The following KCNQ5 variants were observed in gnomAD, a reference collection of about 807,000 sequenced individuals.
KCNQ5 encodes potassium voltage-gated channel subfamily Q member 5, also known as potassium voltage-gated channel subfamily KQT member 5.
KCNQ5 carries 30 observed loss-of-function variants against 98.2 expected under a neutral mutation model. That is an observed-to-expected ratio of 0.31 (90% CI 0.23 to 0.41). The LOEUF (loss-of-function observed/expected upper bound fraction) is 0.41, where lower values mean the gene tolerates loss of function less well. Ranked by LOEUF, KCNQ5 falls within the 10% of genes least tolerant of loss-of-function variation. The pLI is 1.00. For missense variants in KCNQ5, 835 were observed against 1,182.5 expected, an observed-to-expected ratio of 0.71 and a Z score of 4.31; for synonymous variants, 458 against 449.4, an observed-to-expected ratio of 1.02 and a Z score of -0.24.
chr6:72,816,401 A>G (rs1165133867), intron 1 of KCNQ5, among the ~76,000 whole-genome samples: 3 of 152,228 alleles, frequency 2.0e-5, no homozygotes, highest in Non-Finnish European at 2.9e-5. Context: ...TTATTTGCTT[A>G]AAAGTCACAA....
chr6:72,883,132 G>A (rs573205043), intron 1 of KCNQ5, among the ~76,000 whole-genome samples: 52 of 152,280 alleles, frequency 3.4e-4, no homozygotes, highest in African/African-American at 1.2e-3. Context: ...CTTAAGAGGT[G>A]TCAAGTAATC....
Position 72,884,625 on chromosome 6 carries a change from T to G in KCNQ5, c.399-119283T>G, listed in dbSNP as rs956043850. 5.9e-5 allele frequency among the ~76,000 whole-genome samples: 9 copies of G among 151,390 alleles called. 1 individual carries two copies. The Middle Eastern group carries it at 0.017, about 286-fold the overall frequency. ...AAAAATTCAAAGAATAAAATACTTT[T>G]TTTTTTTTTGAGACAGAGTCTTGCT... On this transcript the variant is annotated intron_variant, in intron 1 of 13. Coordinates refer to ENST00000370398, the MANE Select transcript of KCNQ5 (RefSeq NM_019842.4).
chr6:72,708,420 A>G (rs1274440031), intron 1 of KCNQ5, among the ~76,000 whole-genome samples: 1 of 152,188 alleles, frequency 6.6e-6, no homozygotes. Flanking sequence ...TAAAAGGGAA[A>G]CTTCTTTTAG....
intron 3 of KCNQ5, among the ~76,000 whole-genome samples, chr6:73,060,964 T>C (rs1772752993): frequency 6.6e-6 from 1 of 152,134 alleles, no homozygotes; most frequent in South Asian, 2.1e-4. Context: ...CAAAATTACT[T>C]AAGCATTTAC....
intron 11 of KCNQ5, among the ~76,000 whole-genome samples, chr6:73,190,250 T>C (rs1765541932): frequency 6.6e-6 from 1 of 152,210 alleles, no homozygotes; most frequent in Admixed American, 6.5e-5. Flanking sequence ...CTTGGACTTC[T>C]GGAGATTGCA....
Position 73,195,230 on chromosome 6 carries a change from C to A in KCNQ5, c.2615C>A (p.Thr872Asn), listed in dbSNP as rs777192486. 7 of 1,614,178 alleles carry A rather than the reference C, an allele frequency of 4.3e-6. No individual in the cohort carries two copies. Among genetic ancestry groups the A allele is most frequent in the Non-Finnish European group, 5.9e-6 (7 of 1,180,036 alleles). ...TGGAGGGAATCCAAATTGTTTATAA[C>A]TGATGAAGAGGTGGGTCCCGAAGAG... ...PKWRESKLFI[T>N]DEEVGPEETE... The change falls in exon 14 of 14, where the codon ACT (threonine) becomes AAT (asparagine). Residue 872 changes from threonine (T) to asparagine (N), a missense_variant. By Grantham distance (65) the Thr-to-Asn change is moderately conservative. Around this residue, in one of 10 missense-constraint regions of KCNQ5, gnomAD observed 416 missense variants for 446.9 expected, o/e 0.93. Transcript: ENST00000370398.
rs368621719 is a variant in KCNQ5, at chr6:73,077,738, A to G, written c.793-24A>G. Reference sequence around the variant, plus strand: ...TTTCAAAGATTTCCCACCTCTAAAAATCTTTCATTCCTTTTATATCTAGGA... The same window carrying G: ...TTTCAAAGATTTCCCACCTCTAAAAGTCTTTCATTCCTTTTATATCTAGGA... On this transcript the variant is annotated intron_variant, in intron 4 of 13. Coordinates refer to ENST00000370398, the MANE Select transcript of KCNQ5 (RefSeq NM_019842.4). 8.3e-5 allele frequency: 132 copies of G among 1,587,222 alleles called. No homozygotes were observed. In the African/African-American group the frequency reaches 1.6e-3, roughly 19 times the overall value.
intron 3 of KCNQ5, among the ~76,000 whole-genome samples, chr6:73,061,403 G>T (rs1772774720): frequency 6.6e-6 from 1 of 152,130 alleles, no homozygotes. Context: ...TAAATTAAAA[G>T]AATTATTGCC....
At chr6:72,760,850 G>T (rs779304624) in intron 1 of KCNQ5, among the ~76,000 whole-genome samples, 1 of 152,042 alleles carries the variant, frequency 6.6e-6, no homozygotes, top group Non-Finnish European at 1.5e-5. Context: ...ATTTTCGCAA[G>T]GAATGCGTTA....
chr6:73,049,010 A>G (rs1772094391), intron 3 of KCNQ5, among the ~76,000 whole-genome samples: 1 of 152,184 alleles, frequency 6.6e-6, no homozygotes, highest in African/African-American at 2.4e-5. Context: ...TATGATCAAT[A>G]AGAAGCATTA....
intron 1 of KCNQ5, among the ~76,000 whole-genome samples, chr6:72,719,262 C>T (rs1769822413): frequency 6.6e-6 from 1 of 152,156 alleles, no homozygotes; most frequent in East Asian, 1.9e-4. Flanking sequence ...TGACAATGCT[C>T]ATTGAGGTGG....
chr6:72,834,053 G>A (rs1246952800), intron 1 of KCNQ5, among the ~76,000 whole-genome samples: 1 of 152,040 alleles, frequency 6.6e-6, no homozygotes, highest in African/African-American at 2.4e-5. Context: ...GGAATAGGAT[G>A]GGGAAGAAAA....
chr6:73,191,740 A>G (rs961630048), intron 12 of KCNQ5, among the ~76,000 whole-genome samples: 3 of 152,334 alleles, frequency 2.0e-5, no homozygotes, highest in Admixed American at 2.0e-4. Flanking sequence ...CCAGAGATTG[A>G]TAAAATAATG....
chr6:73,103,444 T>C (rs546999600), intron 5 of KCNQ5, among the ~76,000 whole-genome samples: 2 of 149,162 alleles, frequency 1.3e-5, no homozygotes, highest in South Asian at 2.1e-4. Context: ...ATGAGAACAC[T>C]TGGACACAGG....
At chr6:73,185,114 T>C (rs1338950588) in intron 11 of KCNQ5, among the ~76,000 whole-genome samples, 1 of 152,192 alleles carries the variant, frequency 6.6e-6, no homozygotes, top group Non-Finnish European at 1.5e-5. Context: ...GTGTGTTAGG[T>C]ACTAAGCTAG....
chr6:72,995,762 T>C (rs926108508), intron 1 of KCNQ5, among the ~76,000 whole-genome samples: 31 of 152,186 alleles, frequency 2.0e-4, no homozygotes, highest in African/African-American at 6.8e-4. Context: ...AATATGTAAA[T>C]GTAACAAATA....
chr6:72,670,217 A>G (rs1565070374), intron 1 of KCNQ5, among the ~76,000 whole-genome samples: 1 of 152,194 alleles, frequency 6.6e-6, no homozygotes, highest in Non-Finnish European at 1.5e-5. Context: ...CCCTCATCAG[A>G]ATGACCTTTA....
At chr6:73,103,669 T>TA (rs1322756546) in intron 5 of KCNQ5, among the ~76,000 whole-genome samples, 1 of 151,522 alleles carries the variant, frequency 6.6e-6, no homozygotes, top group Non-Finnish European at 1.5e-5. Context: ...CTCACAAAGA[T>TA]AGAGAGTAGA....
At chr6:72,812,030 C>T (rs934123789) in intron 1 of KCNQ5, among the ~76,000 whole-genome samples, 8 of 152,090 alleles carry the variant, frequency 5.3e-5, no homozygotes, top group Admixed American at 3.3e-4. Context: ...GACTTCCTGA[C>T]GTTGCCATGG....
Sources: allele counts gnomAD v4.1 joint callset (sites outside exome capture counted in the v4.1 genomes callset), GRCh38; gene constraint gnomAD v4.1.1; regional missense constraint gnomAD v4.1.1; transcripts MANE v1.5; gene names NCBI Gene and HGNC (gene_info 2026-07-23, HGNC 2026-07-21).